WWP1: variants seen among roughly 807,000 people sequenced by gnomAD.
WWP1 encodes WW domain containing E3 ubiquitin protein ligase 1, also known as NEDD4-like E3 ubiquitin-protein ligase WWP1.
A neutral mutation model predicts 130.6 loss-of-function variants in WWP1; 49 were observed. The observed-to-expected ratio is 0.38, with a 90% CI of 0.30 to 0.48. The LOEUF (loss-of-function observed/expected upper bound fraction) is 0.48, where lower values mean the gene tolerates loss of function less well. WWP1 is among the 20% of genes least tolerant of loss of function. The probability of loss-of-function intolerance (pLI) is 0.99; values close to 1 mark genes in which losing one functional copy is unlikely to be tolerated. For missense variants in WWP1, 809 were observed against 1,100.6 expected, an observed-to-expected ratio of 0.74 and a Z score of 3.75; for synonymous variants, 332 against 367.8, an observed-to-expected ratio of 0.90 and a Z score of 1.11.
chr8:86,434,678 T>A (rs189626531), intron 14 of WWP1, among the ~76,000 whole-genome samples: 12 of 152,320 alleles, frequency 7.9e-5, no homozygotes, highest in Middle Eastern at 3.4e-3. Context: ...CACTAGTATA[T>A]AAGCTCCACA....
chr8:86,453,800 C>G (rs1811302215), intron 21 of WWP1, among the ~76,000 whole-genome samples: 1 of 151,942 alleles, frequency 6.6e-6, no homozygotes. Flanking sequence ...TTGCATTTCC[C>G]TAATGATTAG....
chr8:86,362,099 CACTAGGCATATATATAT>C (rs1563465633), intron 1 of WWP1, among the ~76,000 whole-genome samples: 11 of 137,030 alleles, frequency 8.0e-5, no homozygotes, highest in Middle Eastern at 3.8e-3. Context: ...TATATATATA[CACTAGGCATATATATAT>C]ACACTAGGCA....
At chr8:86,460,576 T>A (rs1034133169) in intron 22 of WWP1, among the ~76,000 whole-genome samples, 1 of 152,158 alleles carries the variant, frequency 6.6e-6, no homozygotes, top group African/African-American at 2.4e-5. Flanking sequence ...CAACAACATC[T>A]ATCTTGGTTG....
chr8:86,372,312 G>A (rs370119015), intron 2 of WWP1, among the ~76,000 whole-genome samples: 6 of 152,012 alleles, frequency 3.9e-5, no homozygotes, highest in African/African-American at 1.4e-4. Flanking sequence ...GTGAGCCACC[G>A]CGCCCGGCCT....
intron 5 of WWP1, among the ~76,000 whole-genome samples, chr8:86,395,928 G>A (rs1023032853): frequency 1.4e-4 from 21 of 152,046 alleles, no homozygotes; most frequent in Admixed American, 6.6e-4. Context: ...ATTTTAAAAG[G>A]CTCTTCTTTA....
At chr8:86,444,643 T>C (rs918911964) in intron 18 of WWP1, among the ~76,000 whole-genome samples, 2 of 152,132 alleles carry the variant, frequency 1.3e-5, no homozygotes, top group African/African-American at 4.8e-5. Context: ...ATGTTACTGA[T>C]AGACTGAGCA....
intron 1 of WWP1, among the ~76,000 whole-genome samples, chr8:86,368,408 GT>G (rs1824096105): frequency 6.6e-6 from 1 of 152,030 alleles, no homozygotes; most frequent in Admixed American, 6.6e-5. Flanking sequence ...TCAGATTCTT[GT>G]TTTTTTGTAA....
At chr8:86,372,520 AAT>A (rs1347303682) in intron 2 of WWP1, among the ~76,000 whole-genome samples, 2 of 152,166 alleles carry the variant, frequency 1.3e-5, no homozygotes, top group Non-Finnish European at 2.9e-5. Context: ...GACACAAAAC[AAT>A]AGTTTTCTGC....
chr8:86,415,838 C>A (rs1415849671), intron 9 of WWP1, among the ~76,000 whole-genome samples: 1 of 152,146 alleles, frequency 6.6e-6, no homozygotes, highest in Non-Finnish European at 1.5e-5. Flanking sequence ...GTGTTATTAT[C>A]TGTTGTCTCT....
chr8:86,427,773 T>C lies in WWP1; in HGVS notation c.1288T>C (p.Leu430=). ...FEQWQSQRNQ[L]QGAMQQFNQR... Reference sequence around the variant, plus strand: ...ACAGTGGCAATCTCAGCGGAACCAATTGCAGGGAGCTATGCAACAGTTTAA... The same window carrying C: ...ACAGTGGCAATCTCAGCGGAACCAACTGCAGGGAGCTATGCAACAGTTTAA... Residue 430 remains leucine, a synonymous_variant, in exon 11 of 25, where the codon TTG becomes CTG. Coordinates refer to ENST00000517970, the MANE Select transcript of WWP1 (RefSeq NM_007013.4). 6.2e-7 allele frequency: 1 copy of C among 1,613,804 alleles called. No homozygotes were observed. The highest frequency in any genetic ancestry group is 8.5e-7 in the Non-Finnish European group (1 of 1,179,804).
chr8:86,377,406 C>T (rs1324624100), intron 3 of WWP1, among the ~76,000 whole-genome samples: 4 of 151,968 alleles, frequency 2.6e-5, no homozygotes, highest in African/African-American at 4.8e-5. Flanking sequence ...CTTTTCTTTT[C>T]TTTTTAAAAA....
At chr8:86,459,949 A>G (rs768052525) in intron 22 of WWP1, among the ~76,000 whole-genome samples, 3 of 152,240 alleles carry the variant, frequency 2.0e-5, no homozygotes, top group Non-Finnish European at 2.9e-5. Context: ...CCTCAGCACA[A>G]TTCTTCACTG....
chr8:86,450,005 C>T (rs1002966355), intron 20 of WWP1, among the ~76,000 whole-genome samples: 3 of 152,188 alleles, frequency 2.0e-5, no homozygotes, highest in African/African-American at 4.8e-5. Context: ...AGCATGAATC[C>T]ATACATCCTG....
intron 24 of WWP1, 68 bp from the exon 25 acceptor site, chr8:86,466,726 G>C: frequency 9.0e-7 from 1 of 1,117,030 alleles, no homozygotes; most frequent in Non-Finnish European, 1.3e-6. Flanking sequence ...TATGTGCTTT[G>C]AAAAGTATTC....
At chr8:86,414,832 G>C (rs1231923905) in intron 9 of WWP1, among the ~76,000 whole-genome samples, 3 of 151,342 alleles carry the variant, frequency 2.0e-5, no homozygotes, top group Non-Finnish European at 4.4e-5. Flanking sequence ...ATTGGACAGT[G>C]TATTAATATT....
At chr8:86,360,334 A>G (rs1468464693) in intron 1 of WWP1, among the ~76,000 whole-genome samples, 2 of 152,206 alleles carry the variant, frequency 1.3e-5, no homozygotes, top group Admixed American at 6.5e-5. Context: ...CACATTGTTC[A>G]GTAAACAATT....
chr8:86,380,213 C>G (rs2130358205), intron 3 of WWP1, among the ~76,000 whole-genome samples: 1 of 151,928 alleles, frequency 6.6e-6, no homozygotes, highest in East Asian at 1.9e-4. Flanking sequence ...ATGGATGAAC[C>G]TCAAAAATGT....
intron 24 of WWP1, among the ~76,000 whole-genome samples, chr8:86,462,675 A>G (rs1474379140): frequency 6.6e-6 from 1 of 152,198 alleles, no homozygotes; most frequent in East Asian, 1.9e-4. Flanking sequence ...CAGGCCAAAG[A>G]TGACATCCTA....
At chr8:86,355,346 C>T (rs1823190573) in intron 1 of WWP1, among the ~76,000 whole-genome samples, 1 of 152,148 alleles carries the variant, frequency 6.6e-6, no homozygotes, top group African/African-American at 2.4e-5. Flanking sequence ...CTGAGTAATT[C>T]TCTTAATCAC....
Sources: gnomAD v4.1 joint callset for allele counts (sites outside exome capture counted in the v4.1 genomes callset) on GRCh38, gnomAD v4.1.1 for gene constraint, MANE v1.5 for transcripts, NCBI Gene and HGNC (gene_info 2026-07-23, HGNC 2026-07-21) for gene names.